The following CPNE4 variants were observed in gnomAD, a reference collection of about 807,000 sequenced individuals.
CPNE4 encodes copine 4, also known as copine-4.
CPNE4 carries 25 observed loss-of-function variants against 67.9 expected under a neutral mutation model. The ratio of observed to expected loss-of-function variants is 0.37; its 90% CI spans 0.27 to 0.51. The LOEUF is 0.51. Ranked by LOEUF, CPNE4 falls within the 20% of genes least tolerant of loss-of-function variation. CPNE4 has a pLI of 0.93. For synonymous variants in CPNE4, 242 were observed against 244.9 expected, an observed-to-expected ratio of 0.99 and a Z score of 0.11; for missense variants, 464 against 690.8, an observed-to-expected ratio of 0.67 and a Z score of 3.68.
At chr3:131,606,579 C>T (rs1431878314) in intron 7 of CPNE4, among the ~76,000 whole-genome samples, 6 of 152,124 alleles carry the variant, frequency 3.9e-5, no homozygotes, top group Non-Finnish European at 7.4e-5. Context: ...CTAGTGTCCA[C>T]GACATTTCTT....
chr3:131,880,130 A>AT (rs72056306), intron 2 of CPNE4, among the ~76,000 whole-genome samples: 79,592 of 145,656 alleles, frequency 0.55, 22,190 homozygotes, highest in Admixed American at 0.65. Flanking sequence ...ATATATATAC[A>AT]TATTTTTTTT....
At chr3:131,929,218 A>G (rs201740153) in intron 1 of CPNE4, among the ~76,000 whole-genome samples, 21 of 137,786 alleles carry the variant, frequency 1.5e-4, no homozygotes, top group African/African-American at 4.8e-4. Flanking sequence ...AAAAAAAAAA[A>G]GATTTTCAGA....
At chr3:131,733,913 G>A (rs1301674266) in intron 2 of CPNE4, among the ~76,000 whole-genome samples, 1 of 152,194 alleles carries the variant, frequency 6.6e-6, no homozygotes, top group East Asian at 1.9e-4. Context: ...ATGCACCCCA[G>A]GTCTGACATG....
intron 2 of CPNE4, among the ~76,000 whole-genome samples, chr3:131,792,631 AC>A: frequency 1.1e-5 from 1 of 91,236 alleles, no homozygotes; most frequent in Admixed American, 1.4e-4. Context: ...ATATATATAT[AC>A]ACACGTGTAT....
intron 11 of CPNE4, among the ~76,000 whole-genome samples, chr3:131,558,951 C>A (rs894393347): frequency 6.6e-6 from 1 of 151,848 alleles, no homozygotes; most frequent in Non-Finnish European, 1.5e-5. Flanking sequence ...GATGGAGAGA[C>A]CTGTTCTCCA....
intron 2 of CPNE4, among the ~76,000 whole-genome samples, chr3:131,859,439 C>T (rs2086585709): frequency 6.6e-6 from 1 of 152,142 alleles, no homozygotes; most frequent in Admixed American, 6.5e-5. Context: ...GCAACCCAAT[C>T]TAGCCTTTTT....
intron 2 of CPNE4, among the ~76,000 whole-genome samples, chr3:131,784,943 A>C (rs1291628629): frequency 6.6e-6 from 1 of 152,106 alleles, no homozygotes; most frequent in Non-Finnish European, 1.5e-5. Flanking sequence ...TGTAGAAAGA[A>C]CTTGGGATTT....
intron 2 of CPNE4, among the ~76,000 whole-genome samples, chr3:131,838,632 TGACA>T (rs2085648828): frequency 6.7e-6 from 1 of 148,366 alleles, no homozygotes; most frequent in African/African-American, 2.5e-5. Context: ...AAAGAAAATC[TGACA>T]GAGAGAAAAA....
chr3:132,023,636 C>T (rs1361508925), intron 1 of CPNE4, among the ~76,000 whole-genome samples: 2 of 151,822 alleles, frequency 1.3e-5, no homozygotes, highest in Non-Finnish European at 2.9e-5. Context: ...CACAAGCACC[C>T]GCCACTACGC....
intron 2 of CPNE4, among the ~76,000 whole-genome samples, chr3:131,778,964 A>G (rs975014684): frequency 7.2e-5 from 11 of 152,084 alleles, no homozygotes; most frequent in Non-Finnish European, 1.3e-4. Context: ...AGGTTTCTAG[A>G]TCTAATAAAC....
At chr3:131,738,696 C>A (rs998345235) in intron 2 of CPNE4, among the ~76,000 whole-genome samples, 1 of 151,762 alleles carries the variant, frequency 6.6e-6, no homozygotes, top group Non-Finnish European at 1.5e-5. Flanking sequence ...TTTTAATTAC[C>A]TAGGGGATAT....
chr3:131,985,454 G>A (rs1479801503), intron 1 of CPNE4, among the ~76,000 whole-genome samples: 2 of 152,138 alleles, frequency 1.3e-5, no homozygotes, highest in Non-Finnish European at 2.9e-5. Flanking sequence ...TAATCCTCAG[G>A]ATAATCCTGC....
intron 2 of CPNE4, among the ~76,000 whole-genome samples, chr3:131,901,239 G>T (rs2088540961): frequency 6.6e-6 from 1 of 152,116 alleles, no homozygotes; most frequent in African/African-American, 2.4e-5. Flanking sequence ...CTTAGTTCCA[G>T]GAGCTAGTGA....
intron 1 of CPNE4, chr3:132,017,671 C>G (rs2073914365): frequency 6.6e-6 from 1 of 152,228 alleles, no homozygotes; most frequent in Non-Finnish European, 1.5e-5. Context: ...GGGAAGTCAG[C>G]CCCAGAAAAG....
At chr3:131,564,917 A>G (rs1435433945) in intron 10 of CPNE4, among the ~76,000 whole-genome samples, 1 of 152,010 alleles carries the variant, frequency 6.6e-6, no homozygotes, top group Non-Finnish European at 1.5e-5. Flanking sequence ...GTTCTCGTTC[A>G]TGTAAGAACT....
chr3:131,943,983 A>G (rs746908018), intron 1 of CPNE4, among the ~76,000 whole-genome samples: 5 of 152,186 alleles, frequency 3.3e-5, no homozygotes, highest in East Asian at 1.9e-4. Flanking sequence ...TCTGCCACAT[A>G]CATATCTTAA....
chr3:132,001,720 AG>A (rs1316783098), intron 1 of CPNE4, among the ~76,000 whole-genome samples: 1 of 152,112 alleles, frequency 6.6e-6, no homozygotes, highest in Non-Finnish European at 1.5e-5. Context: ...GGTGAATAAA[AG>A]ATGGCCCTTC....
chr3:131,871,792 G>T (rs1343816017), intron 2 of CPNE4, among the ~76,000 whole-genome samples: 2 of 152,116 alleles, frequency 1.3e-5, no homozygotes, highest in Non-Finnish European at 2.9e-5. Flanking sequence ...TATTACCTCT[G>T]GAACTATGAC....
intron 8 of CPNE4, among the ~76,000 whole-genome samples, chr3:131,583,980 G>C (rs189952647): frequency 6.6e-6 from 1 of 152,086 alleles, no homozygotes; most frequent in Non-Finnish European, 1.5e-5. Flanking sequence ...GAAGGTCTTG[G>C]AGTAGCTCTC....
Sources: gnomAD v4.1 joint callset for allele counts (sites outside exome capture counted in the v4.1 genomes callset) on GRCh38, gnomAD v4.1.1 for gene constraint, MANE v1.5 for transcripts, NCBI Gene and HGNC (gene_info 2026-07-23, HGNC 2026-07-21) for gene names.